The following RIT2 variants were observed in gnomAD, a reference collection of about 807,000 sequenced individuals.
The protein encoded by RIT2 is GTP-binding protein Rit2.
RIT2 carries 24 observed loss-of-function variants against 23.7 expected under a neutral mutation model. The observed-to-expected ratio is 1.01, with a 90% CI of 0.73 to 1.43. The LOEUF is 1.43. Among genes scored for constraint, RIT2 ranks in the 40% most tolerant of loss-of-function variants. The pLI, the probability that RIT2 is intolerant of heterozygous loss-of-function variation, is 0.00. For missense variants in RIT2, 236 were observed against 266.9 expected (o/e 0.88, Z 0.81); for synonymous variants, 107 against 91.1 (o/e 1.17, Z -0.99).
At chr18:42,893,593 C>A (rs1181417111) in intron 4 of RIT2, among the ~76,000 whole-genome samples, 1 of 152,152 alleles carries the variant, frequency 6.6e-6, no homozygotes, top group Non-Finnish European at 1.5e-5. Context: ...TGGGGGGACA[C>A]AAATTCAAAC....
At chr18:43,065,293 C>A (rs1171322440) in intron 1 of RIT2, among the ~76,000 whole-genome samples, 1 of 133,282 alleles carries the variant, frequency 7.5e-6, no homozygotes, top group Non-Finnish European at 1.5e-5. Context: ...GTGTGGCACA[C>A]AATTATAGCT....
At chr18:42,910,938 A>AAT (rs1908754246) in intron 4 of RIT2, among the ~76,000 whole-genome samples, 2 of 152,152 alleles carry the variant, frequency 1.3e-5, no homozygotes, top group Non-Finnish European at 2.9e-5. Context: ...TTAAACAACA[A>AAT]GATCTACTGA....
intron 1 of RIT2, among the ~76,000 whole-genome samples, chr18:43,107,841 G>T (rs1022372085): frequency 2.0e-5 from 3 of 151,910 alleles, no homozygotes; most frequent in Non-Finnish European, 4.4e-5. Context: ...TTTTCATATA[G>T]ACGATTTTGT....
At chr18:42,926,522 A>T (rs1390863896) in intron 3 of RIT2, among the ~76,000 whole-genome samples, 2 of 152,016 alleles carry the variant, frequency 1.3e-5, no homozygotes, top group Admixed American at 1.3e-4. Context: ...GCATTTGACT[A>T]CTTCAACAAA....
chr18:42,924,255 T>C (rs377547123), intron 3 of RIT2, among the ~76,000 whole-genome samples: 1 of 152,090 alleles, frequency 6.6e-6, no homozygotes, highest in Non-Finnish European at 1.5e-5. Flanking sequence ...ATTTTTCTAC[T>C]CAAAAATATG....
At chr18:42,748,986 A>T (rs1384020294) in intron 4 of RIT2, among the ~76,000 whole-genome samples, 1 of 151,956 alleles carries the variant, frequency 6.6e-6, no homozygotes, top group Non-Finnish European at 1.5e-5. Flanking sequence ...AACAAAACAA[A>T]CTCAATTGAT....
chr18:42,881,267 A>G (rs1015537092), intron 4 of RIT2, among the ~76,000 whole-genome samples: 2 of 152,188 alleles, frequency 1.3e-5, no homozygotes, highest in African/African-American at 4.8e-5. Context: ...TCCATATCCA[A>G]TTGGTCAATA....
chr18:43,036,307 A>G (rs1000878175), intron 1 of RIT2, among the ~76,000 whole-genome samples: 10 of 152,316 alleles, frequency 6.6e-5, no homozygotes, highest in African/African-American at 1.9e-4. Flanking sequence ...TGGGAGGCCA[A>G]GGCGGGTGGA....
chr18:43,001,629 T>A, intron 2 of RIT2, among the ~76,000 whole-genome samples: 1 of 152,146 alleles, frequency 6.6e-6, no homozygotes, highest in East Asian at 1.9e-4. Flanking sequence ...TAGTTGAAAC[T>A]AGAAATTGAA....
intron 3 of RIT2, among the ~76,000 whole-genome samples, chr18:42,972,807 A>T (rs1910392677): frequency 6.6e-6 from 1 of 151,854 alleles, no homozygotes. Flanking sequence ...CAGGATGTGT[A>T]TGTGAAACAA....
intron 4 of RIT2, among the ~76,000 whole-genome samples, chr18:42,916,937 C>A (rs1356093361): frequency 6.6e-6 from 1 of 152,056 alleles, no homozygotes; most frequent in Non-Finnish European, 1.5e-5. Context: ...GAGTCTTTAC[C>A]AAACTAGTGG....
chr18:43,111,710 C>T (rs3861289), intron 1 of RIT2, among the ~76,000 whole-genome samples: 15,166 of 152,168 alleles, frequency 0.1, 1,131 homozygotes, highest in East Asian at 0.37. Context: ...TCCTAAATGT[C>T]TGCTACTTTG....
intron 2 of RIT2, among the ~76,000 whole-genome samples, chr18:43,004,556 A>C (rs1421191052): frequency 6.6e-6 from 1 of 151,904 alleles, no homozygotes; most frequent in Non-Finnish European, 1.5e-5. Context: ...AAATGCCTCC[A>C]GTGTGCCCGA....
At chr18:42,895,719 C>A (rs1375734780) in intron 4 of RIT2, among the ~76,000 whole-genome samples, 3 of 152,134 alleles carry the variant, frequency 2.0e-5, no homozygotes, top group Non-Finnish European at 4.4e-5. Context: ...AGGAAGAACT[C>A]GGTAAGACAC....
intron 4 of RIT2, among the ~76,000 whole-genome samples, chr18:42,837,474 T>TACAA (rs1906648160): frequency 6.7e-6 from 1 of 149,298 alleles, no homozygotes; most frequent in Non-Finnish European, 1.5e-5. Flanking sequence ...GCCTCTTTTT[T>TACAA]AAAAAAAAAA....
intron 4 of RIT2, among the ~76,000 whole-genome samples, chr18:42,766,367 C>T (rs1428218660): frequency 6.6e-6 from 1 of 152,086 alleles, no homozygotes; most frequent in Non-Finnish European, 1.5e-5. Flanking sequence ...GGTGACTCTT[C>T]CTATGTTTTA....
chr18:42,897,746 T>C (rs1010370829), intron 4 of RIT2, among the ~76,000 whole-genome samples: 3 of 151,998 alleles, frequency 2.0e-5, no homozygotes, highest in Non-Finnish European at 4.4e-5. Context: ...AAACATAATA[T>C]AACTAGACAT....
At chr18:43,032,641 C>T (rs1911882944) in intron 2 of RIT2, among the ~76,000 whole-genome samples, 5 of 151,914 alleles carry the variant, frequency 3.3e-5, no homozygotes. Context: ...TCTTTAGAAA[C>T]AAACCTCAAC....
At chr18:43,007,828 A>G (rs72899257) in intron 2 of RIT2, among the ~76,000 whole-genome samples, 7,065 of 151,802 alleles carry the variant, frequency 0.047, 208 homozygotes, top group Middle Eastern at 0.13. Flanking sequence ...TTATCTTGCC[A>G]TTTTTGTACA....
Sources: allele counts gnomAD v4.1 joint callset (sites outside exome capture counted in the v4.1 genomes callset), GRCh38; gene constraint gnomAD v4.1.1; transcripts MANE v1.5; gene names NCBI Gene and HGNC (gene_info 2026-07-23, HGNC 2026-07-21).